Variants in TIMM21 observed in about 807,000 individuals in gnomAD.
TIMM21 encodes the protein mitochondrial import inner membrane translocase subunit Tim21.
In TIMM21, 30 loss-of-function variants were observed where a neutral mutation model predicts 27.7. The ratio of observed to expected loss-of-function variants is 1.08; its 90% CI spans 0.81 to 1.47. The LOEUF (loss-of-function observed/expected upper bound fraction) is 1.47, where lower values mean the gene tolerates loss of function less well. Ranked by LOEUF, TIMM21 falls within the 40% of genes most tolerant of loss-of-function variation. The pLI is 0.00. For synonymous variants in TIMM21, 121 were observed against 114.4 expected (o/e 1.06, Z -0.37); for missense variants, 292 against 302.9 (o/e 0.96, Z 0.27).
At chr18:74,155,024 C>T in intron 1 of TIMM21, 121 bp from the exon 2 acceptor site, 1 of 898,272 alleles carries the variant, frequency 1.1e-6, no homozygotes, top group Non-Finnish European at 1.8e-6. Context: ...CCCCTGAACA[C>T]ACACAGACCC....
At chr18:74,156,175 A>G in intron 3 of TIMM21, 1 of 398,488 alleles carries the variant, frequency 2.5e-6, no homozygotes, top group Non-Finnish European at 4.4e-6. Context: ...TTGAAATACA[A>G]CTTCATTCAC....
intron 3 of TIMM21, chr18:74,157,371 A>G (rs1319014734): frequency 6.6e-6 from 1 of 152,286 alleles, no homozygotes; most frequent in Non-Finnish European, 1.5e-5. Flanking sequence ...ATAAGGGGTT[A>G]GTAGAGAAAC....
Position 74,160,201 on chromosome 18 carries a change from T to G in TIMM21, c.*1721T>G, listed in dbSNP as rs1291567212. On this transcript the variant is annotated 3_prime_UTR_variant, in exon 6 of 6. Transcript: ENST00000169551. ...TTAACCAGGCACGTTGACACACTCC[T>G]GTAATCTCATCTACTCAGGAGACAG... The G allele has an allele frequency of 6.6e-6, 1 of 151,770 alleles. No homozygotes were observed. The highest frequency in any genetic ancestry group is 1.5e-5 in the Non-Finnish European group (1 of 68,002). The allele number at this position is 151,770 out of a possible 1,614,324, so 9.4% of individuals were successfully genotyped here.
rs1662280115 is a variant in TIMM21 at position 74,158,439 on chromosome 18, A to C, written c.706A>C (p.Arg236=). 3 of 1,601,810 alleles carry C rather than the reference A, an allele frequency of 1.9e-6. No homozygotes were observed. Among genetic ancestry groups the C allele is most frequent in the Non-Finnish European group, 2.6e-6 (3 of 1,170,398 alleles). The part of the protein sequence containing the change: ...IFVEIESYPR[R]TIIIEDNRSQ... ...TGTAGAAATTGAATCTTATCCTAGA[A>C]GAACTATTATCATTGAAGATAATCG... Residue 236 remains arginine (R), a synonymous_variant, in exon 6 of 6, where the codon AGA becomes CGA. Transcript: ENST00000169551.
Position 74,158,243 on chromosome 18 carries a change from G to A in TIMM21, c.609G>A (p.Gly203=), listed in dbSNP as rs778789995. 1 of 1,614,108 alleles carries A rather than the reference G, an allele frequency of 6.2e-7. No individual in the cohort carries two copies. Among genetic ancestry groups the A allele is most frequent in the African/African-American group, 1.3e-5 (1 of 74,934 alleles). ...VKFYIEGSEP[G]KQGTVYAQVK... ...TCTACATTGAGGGCTCTGAGCCAGG[G>A]AAGCAAGGAACGGTGTATGCGCAAG... is the stretch of plus-strand genomic sequence containing the variant. The change falls in exon 5 of 6, where the codon GGG becomes GGA. Residue 203 remains glycine (G), a synonymous_variant. Transcript: ENST00000169551.
chr18:74,158,456 A>C lies in TIMM21; in HGVS notation c.723A>C (p.Glu241Asp). The change falls in exon 6 of 6, where the codon GAA (glutamate) becomes GAC (aspartate). Residue 241 changes from glutamate to aspartate, a missense_variant. Coordinates refer to ENST00000169551, the MANE Select transcript of TIMM21 (RefSeq NM_014177.3). ...ATCCTAGAAGAACTATTATCATTGA[A>C]GATAATCGATCCCAAGATGATTAAA... ...ESYPRRTIII[E>D]DNRSQDD 1 of 1,592,958 alleles carries C rather than the reference A, an allele frequency of 6.3e-7. No individual in the cohort carries two copies. Among genetic ancestry groups the C allele is most frequent in the Non-Finnish European group, 8.6e-7 (1 of 1,162,346 alleles).
chr18:74,151,020 T>C (rs940078790), intron 1 of TIMM21, among the ~76,000 whole-genome samples: 5 of 152,176 alleles, frequency 3.3e-5, no homozygotes, highest in African/African-American at 9.7e-5. Context: ...TTTATACATT[T>C]GGAAATCACA....
In TIMM21 at chr18:74,159,260, C is replaced by T. The variant is rs1040646902; in HGVS notation, c.*780C>T. ...GGAGTGAATGAGAGACATTCAAATA[C>T]GTGTGTGAGGCCCCTTAAAGAAAAA... On this transcript the variant is annotated 3_prime_UTR_variant, in exon 6 of 6. Transcript: ENST00000169551. 2.8e-5 allele frequency: 4 copies of T among 141,932 alleles called. No individual in the cohort carries two copies. Among genetic ancestry groups the T allele is most frequent in the African/African-American group, 8.0e-5 (3 of 37,606 alleles). The allele number at this position is 141,932 out of a possible 1,614,324, so 8.8% of individuals were successfully genotyped here.
rs1172222265 is a variant in TIMM21, at chr18:74,160,392, A to T, written c.*1912A>T. On this transcript the variant is annotated 3_prime_UTR_variant, in exon 6 of 6. Coordinates refer to ENST00000169551, the MANE Select transcript of TIMM21 (RefSeq NM_014177.3). Reference sequence around the variant, plus strand: ...AACTAAATTACTTTTTCAAAAGGAAAAACTCTGTACCAATAAGAGATTCTT... The same window carrying T: ...AACTAAATTACTTTTTCAAAAGGAATAACTCTGTACCAATAAGAGATTCTT... The T allele has an allele frequency of 1.3e-5, 2 of 152,186 alleles. No homozygotes were observed. Among genetic ancestry groups the T allele is most frequent in the Admixed American group, 6.5e-5 (1 of 15,284 alleles). The allele number at this position is 152,186 out of a possible 1,614,324, so 9.4% of individuals were successfully genotyped here.
Position 74,158,511 on chromosome 18 carries a change from T to C in TIMM21, c.*31T>C, listed in dbSNP as rs1980020158. 1 of 1,331,458 alleles carries C rather than the reference T, an allele frequency of 7.5e-7. No individual in the cohort carries two copies. The highest frequency in any genetic ancestry group is 1.6e-5 in the African/African-American group (1 of 64,482). 82.5% of individuals were successfully genotyped at this position (1,331,458 alleles called of 1,614,324 possible). On this transcript the variant is annotated 3_prime_UTR_variant, in exon 6 of 6. Transcript: ENST00000169551. ...GGTTTCTGATGGATGTTGAATGGCG[T>C]GGACTCGCTACTCCGTTCTTCACAG...
chr18:74,149,678 T>G (rs1340519388), intron 1 of TIMM21, among the ~76,000 whole-genome samples: 2 of 152,216 alleles, frequency 1.3e-5, no homozygotes, highest in Non-Finnish European at 2.9e-5. Context: ...ACACATACCT[T>G]TTAATAATTT....
In TIMM21 at chr18:74,149,045, C is replaced by T. The variant is rs1166015245; in HGVS notation, c.237C>T (p.Gly79=). The T allele has an allele frequency of 6.2e-7, 1 of 1,614,078 alleles. No individual in the cohort carries two copies. The highest frequency in any genetic ancestry group is 8.5e-7 in the Non-Finnish European group (1 of 1,180,032). The change falls in exon 1 of 6, where the codon GGC becomes GGT. Residue 79 remains glycine (G), a synonymous_variant. Coordinates refer to ENST00000169551, the MANE Select transcript of TIMM21 (RefSeq NM_014177.3). ...GPSPRKAKED[G]SKQVSVHRSQ... ...GCCCCCGAAAAGCAAAGGAGGATGG[C>T]AGCAAACAAGTGTCTGTGCACAGGA...
chr18:74,150,951 A>C (rs1455312605), intron 1 of TIMM21, among the ~76,000 whole-genome samples: 1 of 152,164 alleles, frequency 6.6e-6, no homozygotes, highest in South Asian at 2.1e-4. Context: ...CTCTTAACCC[A>C]CTTCCAAAGG....
At chr18:74,151,081 C>T (rs573171758) in intron 1 of TIMM21, among the ~76,000 whole-genome samples, 10 of 152,264 alleles carry the variant, frequency 6.6e-5, no homozygotes, top group Admixed American at 1.3e-4. Flanking sequence ...TTCTTACATC[C>T]GGTGATGGAG....
chr18:74,149,054 AGT>A lies in TIMM21; in HGVS notation c.249_250del (p.Ser84CysfsTer55). 6.2e-7 allele frequency: 1 copy of A among 1,614,062 alleles called. No individual in the cohort carries two copies. Among genetic ancestry groups the A allele is most frequent in the Non-Finnish European group, 8.5e-7 (1 of 1,180,022 alleles). On this transcript the variant is annotated frameshift_variant, in exon 1 of 6. Transcript: ENST00000169551. LOFTEE classifies it high-confidence loss of function. ...RKAKEDGSKQ[V>X]SVHRSQRGGT... ...AAGCAAAGGAGGATGGCAGCAAACA[AGT>A]GTCTGTGCACAGGAGTCAGAGAGGG... is the stretch of plus-strand genomic sequence containing the variant.
rs1171736791 is a variant in TIMM21, at chr18:74,152,777, GCT to G, written c.302-2364_302-2363del. On this transcript the variant is annotated intron_variant, in intron 1 of 5. Coordinates refer to ENST00000169551, the MANE Select transcript of TIMM21 (RefSeq NM_014177.3). This position sits in a 1 kb window ranked among gnomAD's most constrained non-coding sequence, Gnocchi z 4.1. The stretch of plus-strand genomic sequence containing the variant: ...ATTTGCGTAAGGTTTATCAGGGAGT[GCT>G]CTCAGAATACGTCTTGAGGGATGAG... Among the ~76,000 whole-genome samples the G allele has an allele frequency of 6.6e-6, 1 of 152,244 alleles. No individual in the cohort carries two copies. The highest frequency in any genetic ancestry group is 2.4e-5 in the African/African-American group (1 of 41,474).
rs958776663 is a variant in TIMM21, at chr18:74,148,716, C to T, written c.-93C>T. 1 of 1,306,008 alleles carries T rather than the reference C, an allele frequency of 7.7e-7. No homozygotes were observed. The highest frequency in any genetic ancestry group is 2.1e-5 in the Admixed American group (1 of 48,370). The allele number at this position is 1,306,008 out of a possible 1,614,324, so 80.9% of individuals were successfully genotyped here. ...ACCCCATGTAATGTAAACGTATAGGCTTGAGTACGTGTCCGGCCGCATGTG... is the reference window on the plus strand; with the variant it reads ...ACCCCATGTAATGTAAACGTATAGGTTTGAGTACGTGTCCGGCCGCATGTG... On this transcript the variant is annotated 5_prime_UTR_variant, in exon 1 of 6. Transcript: ENST00000169551.
rs1394776041 is a variant in TIMM21, at chr18:74,151,936, T to TTC, written c.301+2828_301+2829dup. On this transcript the variant is annotated intron_variant, in intron 1 of 5. Coordinates refer to ENST00000169551, the MANE Select transcript of TIMM21 (RefSeq NM_014177.3). The stretch of plus-strand genomic sequence containing the variant: ...CCCTTAAGAAGCAGTGGTGTCTATG[T>TTC]TCCCCCCCCCCCCGGGGGGACCTCC... Among the ~76,000 whole-genome samples the TTC allele has an allele frequency of 5.6e-5, 6 of 107,052 alleles. No homozygotes were observed. The East Asian group carries it at 1.7e-3, about 30-fold the overall frequency. The allele number at this position is 107,052 out of a possible 152,430, so 70.2% of individuals were successfully genotyped here.
At chr18:74,155,067 C>A in intron 1 of TIMM21, 78 bp from the exon 2 acceptor site, 2 of 1,447,558 alleles carry the variant, frequency 1.4e-6, no homozygotes, top group Non-Finnish European at 1.9e-6. Flanking sequence ...TTTTCTCTCG[C>A]AAGAAGTGCA....
Sources: allele counts gnomAD v4.1 joint callset (sites outside exome capture counted in the v4.1 genomes callset), GRCh38; gene constraint gnomAD v4.1.1; non-coding constraint Gnocchi (gnomAD v3.1); transcripts MANE v1.5; gene names NCBI Gene and HGNC (gene_info 2026-07-23, HGNC 2026-07-21).